Variants in PRKCQ observed in about 807,000 individuals in gnomAD.
PRKCQ encodes protein kinase C theta.
Under a neutral mutation model 91.2 loss-of-function variants are expected in PRKCQ, and 41 were observed. The observed-to-expected ratio is 0.45, with a 90% CI of 0.35 to 0.58. The LOEUF (loss-of-function observed/expected upper bound fraction) is 0.58, where lower values mean the gene tolerates loss of function less well. PRKCQ is among the 20% of genes least tolerant of loss of function. The pLI is 0.00. For missense variants in PRKCQ, 673 were observed against 896.5 expected, an observed-to-expected ratio of 0.75 and a Z score of 3.18; for synonymous variants, 307 against 316.9, an observed-to-expected ratio of 0.97 and a Z score of 0.33.
intron 15 of PRKCQ, among the ~76,000 whole-genome samples, chr10:6,450,600 T>C (rs376623154): frequency 7.9e-5 from 12 of 151,764 alleles, no homozygotes; most frequent in African/African-American, 2.2e-4. Context: ...ATCTACAGAA[T>C]TCTCCACCCC....
chr10:6,419,432 C>G, the PRKCQ span, among the ~76,000 whole-genome samples: 1 of 152,016 alleles, frequency 6.6e-6, no homozygotes, highest in African/African-American at 2.4e-5. Flanking sequence ...AGGAAGATGA[C>G]AGTTTATTTA....
intron 3 of PRKCQ, 50 bp from the exon 4 acceptor site, chr10:6,507,546 G>A: frequency 6.7e-7 from 1 of 1,496,568 alleles, no homozygotes; most frequent in Middle Eastern, 1.7e-4. Context: ...AACAAGCCCT[G>A]AGTTCAATGA....
At position 6,428,243 on chromosome 10, in the gene PRKCQ, G is replaced by A; in HGVS notation, c.2085C>T (p.Ser695=). 6.2e-7 allele frequency: 1 copy of A among 1,614,196 alleles called. No homozygotes were observed. The highest frequency in any genetic ancestry group is 1.3e-5 in the African/African-American group (1 of 75,046). Residue 695 remains serine (S), a synonymous_variant, in exon 18 of 18, where the codon TCC becomes TCT. Transcript: ENST00000263125. The part of the protein sequence containing the change: ...SMDQNMFRNF[S]FMNPGMERLI... ...GCCGCTCCATCCCGGGGTTCATGAA[G>A]GAAAAGTTCCTGAACATATTCTGGT...
At chr10:6,555,526 GA>G (rs1287079965) in intron 1 of PRKCQ, among the ~76,000 whole-genome samples, 1 of 152,056 alleles carries the variant, frequency 6.6e-6, no homozygotes, top group Non-Finnish European at 1.5e-5. Flanking sequence ...TTGGATGGGG[GA>G]AAAAAGACAT....
intron 12 of PRKCQ, among the ~76,000 whole-genome samples, chr10:6,467,137 C>G (rs912403686): frequency 1.3e-5 from 2 of 152,100 alleles, no homozygotes; most frequent in African/African-American, 2.4e-5. Context: ...AAAGACAAAA[C>G]CAAAACCAAT....
At chr10:6,394,998 G>T in the PRKCQ span, among the ~76,000 whole-genome samples, 1 of 151,562 alleles carries the variant, frequency 6.6e-6, no homozygotes, top group Admixed American at 6.6e-5. Flanking sequence ...TCAAGACGGG[G>T]GAATTGCAAT....
chr10:6,570,536 C>T (rs1406917319), intron 1 of PRKCQ, among the ~76,000 whole-genome samples: 2 of 148,756 alleles, frequency 1.3e-5, no homozygotes, highest in African/African-American at 2.5e-5. Flanking sequence ...GAGCCTCAGA[C>T]AGGAACTAAG....
intron 2 of PRKCQ, 49 bp downstream of exon 2, chr10:6,514,969 G>A: frequency 6.2e-7 from 1 of 1,610,870 alleles, no homozygotes; most frequent in Non-Finnish European, 8.5e-7. Context: ...ACAGTTCATA[G>A]CAGGATTCTC....
Position 6,500,883 on chromosome 10 carries a change from C to T in PRKCQ, c.380-2325G>A, listed in dbSNP as rs191599576. ...ATGGCTAACAGTCAAGTCAGGGAGA[C>T]GTGGCACAGGCACAGAACAGCCAAC... On this transcript the variant is annotated intron_variant, in intron 4 of 17. Transcript: ENST00000263125. 1.8e-3 allele frequency among the ~76,000 whole-genome samples: 280 copies of T among 152,084 alleles called. 1 individual carries two copies. Among genetic ancestry groups the T allele is most frequent in the Non-Finnish European group, 3.2e-3 (221 of 68,008 alleles).
At chr10:6,483,335 T>A in intron 11 of PRKCQ, 105 bp downstream of exon 11, 1 of 1,443,014 alleles carries the variant, frequency 6.9e-7, no homozygotes, top group Non-Finnish European at 9.6e-7. Context: ...TCTCTGACAC[T>A]CACATGCAAT....
Position 6,497,335 on chromosome 10 carries a change from T to TCCATCTCTTA in PRKCQ, c.543-85_543-84insTAAGAGATGG. 3 of 1,488,858 alleles carry TCCATCTCTTA rather than the reference T, an allele frequency of 2.0e-6. No individual in the cohort carries two copies. Among genetic ancestry groups the TCCATCTCTTA allele is most frequent in the South Asian group, 1.1e-5 (1 of 88,182 alleles). 92.2% of individuals were successfully genotyped at this position (1,488,858 alleles called of 1,614,324 possible). A position where few individuals can be genotyped will look rare whatever the true frequency, so the allele number is the denominator to read the frequency against. ...CATTTAAGAGATGGATGAGATCTCA[T>TCCATCTCTTA]AACCCCCTAAGATCACAGAGCAGTT... is the stretch of plus-strand genomic sequence containing the variant. On this transcript the variant is annotated intron_variant, in intron 5 of 17. Coordinates refer to ENST00000263125, the MANE Select transcript of PRKCQ (RefSeq NM_006257.5). This position sits in a 1 kb window ranked among gnomAD's most constrained non-coding sequence, Gnocchi z 4.5.
At chr10:6,516,626 G>GA (rs2130872624) in intron 1 of PRKCQ, among the ~76,000 whole-genome samples, 1 of 152,282 alleles carries the variant, frequency 6.6e-6, no homozygotes, top group African/African-American at 2.4e-5. Context: ...AAATCACTAA[G>GA]AATCATCTTC....
At chr10:6,419,038 C>CT in the PRKCQ span, among the ~76,000 whole-genome samples, 5 of 151,146 alleles carry the variant, frequency 3.3e-5, no homozygotes, top group African/African-American at 4.9e-5. Flanking sequence ...ATCTACCTAT[C>CT]ATCCATCTAT....
the PRKCQ span, among the ~76,000 whole-genome samples, chr10:6,410,260 G>A: frequency 1.3e-5 from 2 of 152,150 alleles, no homozygotes; most frequent in Non-Finnish European, 1.5e-5. Flanking sequence ...TTTGCAATTT[G>A]TTCTTCTTAA....
rs141464142 is a variant in PRKCQ at position 6,543,689 on chromosome 10, G to A, written c.-9-28545C>T. 5.8e-4 allele frequency among the ~76,000 whole-genome samples: 89 copies of A among 152,274 alleles called. No homozygotes were observed. The East Asian group carries it at 7.1e-3, about 12-fold the overall frequency. ...ACAGCAGGTTGCTGACAAGGCCCAC[G>A]GTTCTGTTTTCCAGAGAAACACGCT... On this transcript the variant is annotated intron_variant, in intron 1 of 17. Transcript: ENST00000263125.
At chr10:6,493,768 C>G (rs577824575) in intron 7 of PRKCQ, among the ~76,000 whole-genome samples, 1 of 152,310 alleles carries the variant, frequency 6.6e-6, no homozygotes, top group African/African-American at 2.4e-5. Context: ...TTAGTACCAG[C>G]TCTGCCACGT....
downstream of PRKCQ, among the ~76,000 whole-genome samples, chr10:6,422,286 CTTATT>C (rs141072473): frequency 6.1e-4 from 93 of 152,162 alleles, 1 homozygote; most frequent in East Asian, 0.012. Context: ...TATTATTGTC[CTTATT>C]TTATTTTATT....
At chr10:6,456,887 G>C in intron 14 of PRKCQ, 75 bp from the exon 15 acceptor site, 1 of 1,516,096 alleles carries the variant, frequency 6.6e-7, no homozygotes, top group Non-Finnish European at 9.0e-7. Flanking sequence ...TAGGAGGCGA[G>C]GGAGTTTGTC....
At chr10:6,573,790 G>A (rs898026970) in intron 1 of PRKCQ, among the ~76,000 whole-genome samples, 2 of 152,200 alleles carry the variant, frequency 1.3e-5, no homozygotes, top group Non-Finnish European at 2.9e-5. Context: ...CAAAAGATGT[G>A]TTCTTGATAT....
Sources: gnomAD v4.1 joint callset for allele counts (sites outside exome capture counted in the v4.1 genomes callset) on GRCh38, gnomAD v4.1.1 for gene constraint, Gnocchi (gnomAD v3.1) non-coding constraint, MANE v1.5 for transcripts, NCBI Gene and HGNC (gene_info 2026-07-23, HGNC 2026-07-21) for gene names.